The following RSPH4A variants were observed in gnomAD, a reference collection of about 807,000 sequenced individuals.
The protein encoded by RSPH4A is radial spoke head protein 4 homolog A.
In RSPH4A, 47 loss-of-function variants were observed where a neutral mutation model predicts 71.0. That is an observed-to-expected ratio of 0.66 (90% CI 0.52 to 0.84). The LOEUF (loss-of-function observed/expected upper bound fraction) is 0.84, where lower values mean the gene tolerates loss of function less well. RSPH4A is among the 40% of genes least tolerant of loss of function. The pLI is 0.00. For missense variants in RSPH4A, 793 were observed against 855.2 expected, an observed-to-expected ratio of 0.93 and a Z score of 0.91; for synonymous variants, 282 against 302.3, an observed-to-expected ratio of 0.93 and a Z score of 0.70.
chr6:116,620,716 A>G (rs933527756), intron 1 of RSPH4A, among the ~76,000 whole-genome samples: 1 of 152,232 alleles, frequency 6.6e-6, no homozygotes, highest in African/African-American at 2.4e-5. Flanking sequence ...AACCTGAAAA[A>G]TAAAATGAAA....
intron 1 of RSPH4A, 81 bp downstream of exon 1, chr6:116,617,390 G>T (rs1257026052): frequency 1.0e-6 from 1 of 968,044 alleles, no homozygotes; most frequent in African/African-American, 1.6e-5. Flanking sequence ...GTGTGTTTCT[G>T]TGGGTGAATC....
chr6:116,617,410 T>G, intron 1 of RSPH4A, 101 bp downstream of exon 1: 1 of 820,952 alleles, frequency 1.2e-6, no homozygotes, highest in Non-Finnish European at 1.9e-6. Flanking sequence ...CAAAATATAT[T>G]TGAAAGATTG....
At chr6:116,620,700 T>G (rs1775589628) in intron 1 of RSPH4A, among the ~76,000 whole-genome samples, 1 of 152,206 alleles carries the variant, frequency 6.6e-6, no homozygotes, top group Non-Finnish European at 1.5e-5. Flanking sequence ...ATATATATTA[T>G]ATTGAAACCT....
At chr6:116,629,846 A>T (rs192136608) in intron 4 of RSPH4A, 144 bp downstream of exon 4, 1 of 764,916 alleles carries the variant, frequency 1.3e-6, no homozygotes, top group East Asian at 2.5e-5. Flanking sequence ...ATGTTCTGGG[A>T]TGATAGGGAG....
chr6:116,626,345 TTTTTTCTTTTTC>T (rs373301262), intron 2 of RSPH4A, among the ~76,000 whole-genome samples: 3 of 152,146 alleles, frequency 2.0e-5, no homozygotes, highest in African/African-American at 7.2e-5. Flanking sequence ...ATGTGTTTCT[TTTTTTCTTTTTC>T]TTTTTCTTTT....
chr6:116,616,816 T>A lies in RSPH4A; in HGVS notation c.193T>A (p.Ser65Thr). 1 of 1,614,072 alleles carries A rather than the reference T, an allele frequency of 6.2e-7. No individual in the cohort carries two copies. The highest frequency in any genetic ancestry group is 8.5e-7 in the Non-Finnish European group (1 of 1,179,990). ...AAGCAGCCGTCCTTGGAGCCCGCAG[T>A]CTAGAGCCAAGACGCCTCTGGGTGG... The part of the protein sequence containing the change: ...SRSSRPWSPQ[S>T]RAKTPLGGPA... Residue 65 changes from serine (S) to threonine (T), a missense_variant, in exon 1 of 6, where the codon TCT (serine) becomes ACT (threonine). Transcript: ENST00000229554.
At chr6:116,620,092 C>T (rs1775577166) in intron 1 of RSPH4A, among the ~76,000 whole-genome samples, 1 of 152,196 alleles carries the variant, frequency 6.6e-6, no homozygotes, top group African/African-American at 2.4e-5. Flanking sequence ...GTGGACTCTA[C>T]TTGAATTTCT....
intron 1 of RSPH4A, among the ~76,000 whole-genome samples, chr6:116,618,517 G>T (rs1379324718): frequency 6.6e-6 from 1 of 152,136 alleles, no homozygotes; most frequent in Non-Finnish European, 1.5e-5. Flanking sequence ...GTTGCTGTTG[G>T]TTTTGTCTTT....
chr6:116,632,359 G>A lies in RSPH4A; in HGVS notation c.2069G>A (p.Arg690Lys). The change falls in exon 6 of 6, where the codon AGG becomes AAG. Residue 690 changes from arginine to lysine, a missense_variant. By Grantham distance (26) the Arg-to-Lys change is conservative. Coordinates refer to ENST00000229554, the MANE Select transcript of RSPH4A (RefSeq NM_001010892.3). ...AGTGTGGAGGAGGAGCAGGCTTTCAGGGCTGCACAAGAAGCAGTTCTACTC... is the reference window on the plus strand; with the variant it reads ...AGTGTGGAGGAGGAGCAGGCTTTCAAGGCTGCACAAGAAGCAGTTCTACTC... ...DPSVEEEQAFRAAQEAVLLAA... is the reference protein window; with the variant it reads ...DPSVEEEQAFKAAQEAVLLAA... The A allele has an allele frequency of 1.2e-6, 2 of 1,614,020 alleles. No homozygotes were observed. The highest frequency in any genetic ancestry group is 2.7e-5 in the African/African-American group (2 of 75,010).
chr6:116,631,322 C>G (rs1169839823), intron 5 of RSPH4A, among the ~76,000 whole-genome samples: 1 of 152,104 alleles, frequency 6.6e-6, no homozygotes, highest in Non-Finnish European at 1.5e-5. Flanking sequence ...GAGAGTTAAG[C>G]CTTTAATCAT....
At chr6:116,617,994 A>G (rs1775539656) in intron 1 of RSPH4A, among the ~76,000 whole-genome samples, 1 of 152,200 alleles carries the variant, frequency 6.6e-6, no homozygotes, top group African/African-American at 2.4e-5. Context: ...GAGTTACATA[A>G]TGATAGGGTC....
chr6:116,622,826 G>A lies in RSPH4A; in HGVS notation c.745G>A (p.Val249Ile). 1.2e-6 allele frequency: 2 copies of A among 1,613,314 alleles called. No individual in the cohort carries two copies. The highest frequency in any genetic ancestry group is 1.7e-6 in the Non-Finnish European group (2 of 1,179,394). ...KILNERPENA[V>I]DIFENISQDV... The stretch of plus-strand genomic sequence containing the variant: ...ATTAAATGAGCGTCCTGAAAATGCT[G>A]TTGACATCTTTGAAAATATTAGCCA... The change falls in exon 2 of 6, where the codon GTT becomes ATT. Residue 249 changes from valine (V) to isoleucine (I), a missense_variant. By Grantham distance (29) the Val-to-Ile change is conservative (BLOSUM62 3). Coordinates refer to ENST00000229554, the MANE Select transcript of RSPH4A (RefSeq NM_001010892.3).
Position 116,628,353 on chromosome 6 carries a change from A to G in RSPH4A, c.1646A>G (p.Gln549Arg), listed in dbSNP as rs1775737007. ...ESLSNWVHHV[Q>R]HILSQGRCNW... ...CTATCCAATTGGGTTCATCATGTAC[A>G]GCATATTCTCTCTCAGGTAGGAGCT... is the stretch of plus-strand genomic sequence containing the variant. Residue 549 changes from glutamine to arginine, a missense_variant, in exon 3 of 6, where the codon CAG becomes CGG. Transcript: ENST00000229554. 6.2e-7 allele frequency: 1 copy of G among 1,612,592 alleles called. No homozygotes were observed. Among genetic ancestry groups the G allele is most frequent in the Non-Finnish European group, 8.5e-7 (1 of 1,179,262 alleles).
Position 116,632,907 on chromosome 6 carries a change from T to C in RSPH4A, c.*466T>C, listed in dbSNP as rs1409585587. 5.4e-6 allele frequency: 1 copy of C among 185,826 alleles called. No homozygotes were observed. The highest frequency in any genetic ancestry group is 1.1e-5 in the Non-Finnish European group (1 of 87,976). The allele number at this position is 185,826 out of a possible 1,614,324, so 11.5% of individuals were successfully genotyped here. On this transcript the variant is annotated 3_prime_UTR_variant, in exon 6 of 6. Coordinates refer to ENST00000229554, the MANE Select transcript of RSPH4A (RefSeq NM_001010892.3). Reference sequence around the variant, plus strand: ...CAAGGGGTATGAAGACAAAAAATATTGATAGTCACTAGAGTAATGTATTCT... The same window carrying C: ...CAAGGGGTATGAAGACAAAAAATATCGATAGTCACTAGAGTAATGTATTCT...
intron 2 of RSPH4A, 127 bp downstream of exon 2, chr6:116,623,129 A>C (rs200344591): frequency 2.1e-6 from 1 of 475,068 alleles, no homozygotes; most frequent in East Asian, 4.5e-5. Flanking sequence ...TGTTTTGTTT[A>C]GACAGGCTCC....
intron 3 of RSPH4A, among the ~76,000 whole-genome samples, chr6:116,629,152 T>A (rs893255698): frequency 5.3e-5 from 8 of 152,320 alleles, no homozygotes; most frequent in African/African-American, 1.9e-4. Context: ...AAGAGCTAAC[T>A]GAGACATTAT....
intron 4 of RSPH4A, 66 bp from the exon 5 acceptor site, chr6:116,630,369 A>G: frequency 1.2e-6 from 1 of 844,464 alleles, no homozygotes; most frequent in South Asian, 1.3e-5. Flanking sequence ...ATTTATAAAA[A>G]TAGCTTACAC....
chr6:116,628,845 T>C (rs965963563), intron 3 of RSPH4A, among the ~76,000 whole-genome samples: 1 of 152,176 alleles, frequency 6.6e-6, no homozygotes, highest in Non-Finnish European at 1.5e-5. Flanking sequence ...TAATACCTAT[T>C]GTGCCAGGTG....
At chr6:116,622,674 A>C in intron 1 of RSPH4A, 94 bp from the exon 2 acceptor site, 28 of 824,464 alleles carry the variant, frequency 3.4e-5, no homozygotes, top group South Asian at 5.8e-5. Context: ...TTTAACGTCT[A>C]TATTTATCTA....
Sources: allele counts gnomAD v4.1 joint callset (sites outside exome capture counted in the v4.1 genomes callset), GRCh38; gene constraint gnomAD v4.1.1; transcripts MANE v1.5; gene names NCBI Gene and HGNC (gene_info 2026-07-23, HGNC 2026-07-21).